The following METAP1 variants were observed in gnomAD, a reference collection of about 807,000 sequenced individuals.
METAP1 encodes the protein methionyl aminopeptidase 1.
In METAP1, 28 loss-of-function variants were observed where a neutral mutation model predicts 53.8. The ratio of observed to expected loss-of-function variants is 0.52; its 90% CI spans 0.39 to 0.71. The LOEUF is 0.71. METAP1 is among the 30% of genes least tolerant of loss of function. The pLI, the probability that METAP1 is intolerant of heterozygous loss-of-function variation, is 0.00. For synonymous variants in METAP1, 181 were observed against 165.7 expected (o/e 1.09, Z -0.71); for missense variants, 389 against 479.8 (o/e 0.81, Z 1.77).
intron 1 of METAP1, among the ~76,000 whole-genome samples, chr4:99,004,189 T>A (rs1185729324): frequency 1.3e-5 from 2 of 152,252 alleles, no homozygotes; most frequent in Non-Finnish European, 2.9e-5. Context: ...ATTTGGAAAC[T>A]CTCTGAACCC....
chr4:99,039,058 T>C (rs1032084506), intron 4 of METAP1: 1 of 183,026 alleles, frequency 5.5e-6, no homozygotes, highest in Non-Finnish European at 1.1e-5. Flanking sequence ...CTGTGGTACT[T>C]TTCAAATGTA....
chr4:99,058,459 C>T (rs1174567530), intron 10 of METAP1, among the ~76,000 whole-genome samples: 3 of 152,046 alleles, frequency 2.0e-5, no homozygotes, highest in Non-Finnish European at 4.4e-5. Flanking sequence ...GCAGCCTCCC[C>T]ACTGTTGTCA....
chr4:99,048,689 G>A (rs772596768), intron 8 of METAP1, 44 bp from the exon 9 acceptor site: 140 of 1,591,396 alleles, frequency 8.8e-5, no homozygotes, highest in Non-Finnish European at 1.2e-4. Flanking sequence ...TGCTTAGTAC[G>A]TATTAGTTAT....
chr4:99,012,803 G>A (rs942000109), intron 1 of METAP1, among the ~76,000 whole-genome samples: 3 of 152,106 alleles, frequency 2.0e-5, no homozygotes, highest in East Asian at 3.9e-4. Context: ...TACATTTTAG[G>A]GGGACAGAAG....
intron 1 of METAP1, chr4:99,023,599 T>C: frequency 1.0e-6 from 1 of 985,370 alleles, no homozygotes; most frequent in Non-Finnish European, 1.2e-6. Flanking sequence ...GGACACATTA[T>C]GGGTGGTCAC....
At chr4:98,999,508 A>AT (rs58336779) in intron 1 of METAP1, among the ~76,000 whole-genome samples, 5,696 of 113,040 alleles carry the variant, frequency 0.05, 311 homozygotes, top group Middle Eastern at 0.098. Context: ...AGGATGCTTA[A>AT]TTTTTTTTTT....
At chr4:99,002,046 T>C (rs1166729916) in intron 1 of METAP1, among the ~76,000 whole-genome samples, 1 of 152,250 alleles carries the variant, frequency 6.6e-6, no homozygotes, top group East Asian at 1.9e-4. Flanking sequence ...TGTGATCTTA[T>C]ACTGTTCACT....
chr4:99,045,200 A>G lies in METAP1; in HGVS notation c.677A>G (p.Asn226Ser), dbSNP rs201900092. ...IVNVDITLYR[N>S]GYHGDLNETF... is the part of the protein sequence containing the mutation. ...GCAGTGGATATCACTCTTTATCGCA[A>G]TGGTTATCATGGGGACCTGAATGAG... is the stretch of plus-strand genomic sequence containing the variant. Residue 226 changes from asparagine to serine, a missense_variant, in exon 8 of 11, where the codon AAT (asparagine) becomes AGT (serine). By Grantham distance (46) the Asn-to-Ser change is conservative. Transcript: ENST00000296411. 457 of 1,613,390 alleles carry G rather than the reference A, an allele frequency of 2.8e-4. No individual in the cohort carries two copies. The highest frequency in any genetic ancestry group is 4.9e-4 in the Middle Eastern group (3 of 6,080).
chr4:99,037,156 C>T (rs1399893855), intron 4 of METAP1, among the ~76,000 whole-genome samples: 1 of 151,080 alleles, frequency 6.6e-6, no homozygotes, highest in Non-Finnish European at 1.5e-5. Flanking sequence ...CCTTTTTTTC[C>T]CTGTTAGAGT....
At chr4:99,041,243 G>C (rs1226370105) in intron 6 of METAP1, 117 bp downstream of exon 6, 6 of 566,120 alleles carry the variant, frequency 1.1e-5, no homozygotes, top group Non-Finnish European at 1.7e-5. Context: ...AAACTCATTT[G>C]AAAGCAAATT....
chr4:99,022,149 G>A lies in METAP1; in HGVS notation c.115-6718G>A, dbSNP rs560665932. 8.0e-4 allele frequency: 253 copies of A among 318,202 alleles called. 3 individuals carry two copies. Among genetic ancestry groups the A allele is most frequent in the African/African-American group, 4.5e-3 (206 of 46,050 alleles). The allele number at this position is 318,202 out of a possible 1,614,324, so 19.7% of individuals were successfully genotyped here. On this transcript the variant is annotated intron_variant, in intron 1 of 10. Transcript: ENST00000296411. ...CCAGGCATATATAGGAGTTTAGATG[G>A]GGGAATAGTGGAAGCCCACAAAACT...
intron 8 of METAP1, 78 bp from the exon 9 acceptor site, chr4:99,048,655 C>A: frequency 6.9e-7 from 1 of 1,445,028 alleles, no homozygotes; most frequent in Non-Finnish European, 9.6e-7. Flanking sequence ...CAGGCATGAG[C>A]CACTGCATCT....
chr4:99,025,409 C>G (rs1225284390), intron 1 of METAP1: 6 of 985,260 alleles, frequency 6.1e-6, no homozygotes, highest in African/African-American at 1.7e-5. Context: ...AGCACCTTCT[C>G]TTAACTCTGA....
At chr4:99,026,607 G>T in intron 1 of METAP1, 1 of 985,382 alleles carries the variant, frequency 1.0e-6, no homozygotes, top group Non-Finnish European at 1.2e-6. Context: ...GATGAGGAGG[G>T]AAAGATTGCC....
intron 1 of METAP1, chr4:99,023,088 C>A: frequency 8.2e-7 from 1 of 1,226,762 alleles, no homozygotes; most frequent in Non-Finnish European, 1.1e-6. Flanking sequence ...TCCCTTCCAG[C>A]GCCTTTGCTC....
At chr4:99,060,582 C>T (rs2110441570) in intron 10 of METAP1, among the ~76,000 whole-genome samples, 1 of 152,140 alleles carries the variant, frequency 6.6e-6, no homozygotes, top group Non-Finnish European at 1.5e-5. Flanking sequence ...CTAGGATGGT[C>T]TCAATCTCCT....
intron 1 of METAP1, among the ~76,000 whole-genome samples, chr4:99,012,091 G>A (rs1307790384): frequency 6.6e-6 from 1 of 152,008 alleles, no homozygotes; most frequent in Non-Finnish European, 1.5e-5. Context: ...GGTAAAGATG[G>A]GGTCTTGCTG....
At chr4:99,052,310 G>C (rs989875691) in intron 9 of METAP1, among the ~76,000 whole-genome samples, 1 of 152,178 alleles carries the variant, frequency 6.6e-6, no homozygotes, top group Admixed American at 6.6e-5. Context: ...GCTGGGGTTT[G>C]TATTACATTC....
intron 1 of METAP1, among the ~76,000 whole-genome samples, chr4:99,003,458 A>C (rs1278868091): frequency 2.0e-5 from 3 of 151,994 alleles, no homozygotes; most frequent in African/African-American, 7.3e-5. Flanking sequence ...CTGAGTGGGG[A>C]TTTATGTTAT....
Sources: allele counts gnomAD v4.1 joint callset (sites outside exome capture counted in the v4.1 genomes callset), GRCh38; gene constraint gnomAD v4.1.1; transcripts MANE v1.5; gene names NCBI Gene and HGNC (gene_info 2026-07-23, HGNC 2026-07-21).